The following BCAR3 variants were observed in gnomAD, a reference collection of about 807,000 sequenced individuals.
BCAR3 encodes the protein BCAR3 adaptor protein, NSP family member, also known as breast cancer anti-estrogen resistance protein 3.
In BCAR3, 37 loss-of-function variants were observed where a neutral mutation model predicts 80.1. The observed-to-expected ratio is 0.46, with a 90% CI of 0.36 to 0.61. The LOEUF (loss-of-function observed/expected upper bound fraction) is 0.61, where lower values mean the gene tolerates loss of function less well. BCAR3 is among the 20% of genes least tolerant of loss of function. The probability of loss-of-function intolerance (pLI) is 0.00; values close to 1 mark genes in which losing one functional copy is unlikely to be tolerated. For missense variants in BCAR3, 978 were observed against 1,068.2 expected, an observed-to-expected ratio of 0.92 and a Z score of 1.18; for synonymous variants, 389 against 418.9, an observed-to-expected ratio of 0.93 and a Z score of 0.87.
chr1:93,805,135 G>A (rs1653614834), intron 2 of BCAR3, among the ~76,000 whole-genome samples: 1 of 152,174 alleles, frequency 6.6e-6, no homozygotes, highest in African/African-American at 2.4e-5. Context: ...GTACCATACA[G>A]CAATTTAAGT....
At chr1:93,737,543 T>C (rs1206935810) in intron 2 of BCAR3, among the ~76,000 whole-genome samples, 1 of 152,116 alleles carries the variant, frequency 6.6e-6, no homozygotes, top group African/African-American at 2.4e-5. Flanking sequence ...ACAGGATGGT[T>C]CTCCCCTTGG....
chr1:93,829,163 C>T (rs1047911230), intron 2 of BCAR3, among the ~76,000 whole-genome samples: 6 of 152,046 alleles, frequency 3.9e-5, no homozygotes. Flanking sequence ...CTTGAGGAGG[C>T]GGTGACTGAT....
At chr1:93,829,996 C>G (rs1188791599) in intron 2 of BCAR3, among the ~76,000 whole-genome samples, 1 of 152,144 alleles carries the variant, frequency 6.6e-6, no homozygotes, top group Non-Finnish European at 1.5e-5. Context: ...TAGCTCCTCC[C>G]CACTCACTCT....
chr1:93,626,842 A>G (rs2101895216), intron 3 of BCAR3, among the ~76,000 whole-genome samples: 1 of 152,360 alleles, frequency 6.6e-6, no homozygotes, highest in Admixed American at 6.5e-5. Flanking sequence ...AGTTTGTGTG[A>G]AGGAAAAGCA....
intron 2 of BCAR3, among the ~76,000 whole-genome samples, chr1:93,814,102 T>C (rs930008626): frequency 6.6e-5 from 10 of 152,194 alleles, no homozygotes; most frequent in Non-Finnish European, 1.2e-4. Context: ...AGGGAGCACA[T>C]GGTGACATAT....
At position 93,824,077 on chromosome 1, in the gene BCAR3, A is replaced by G. The variant is rs186105944; in HGVS notation, c.-63+21490T>C. 1.6e-3 allele frequency among the ~76,000 whole-genome samples: 215 copies of G among 134,148 alleles called. 15 individuals carry two copies. The highest frequency in any genetic ancestry group is 5.1e-3 in the African/African-American group (202 of 39,988). The allele number at this position is 134,148 out of a possible 152,430, so 88.0% of individuals were successfully genotyped here. A position where few individuals can be genotyped will look rare whatever the true frequency, so the allele number is the denominator to read the frequency against. On this transcript the variant is annotated intron_variant, in intron 2 of 13. Transcript: ENST00000370244. ...AATATAAACTAGAATCCAGAAGATC[A>G]GGGAGTCTGTCTTGTTTTCGGTATT...
intron 2 of BCAR3, among the ~76,000 whole-genome samples, chr1:93,790,651 A>AAT (rs1553172482): frequency 2.8e-4 from 23 of 83,536 alleles, no homozygotes; most frequent in African/African-American, 8.7e-4. Flanking sequence ...TTTTTTCTTA[A>AAT]TTTTTTTTTT....
intron 2 of BCAR3, among the ~76,000 whole-genome samples, chr1:93,804,802 T>C (rs1463985833): frequency 6.6e-6 from 1 of 152,244 alleles, no homozygotes; most frequent in African/African-American, 2.4e-5. Context: ...CATTCATCAG[T>C]TGATGAATAT....
At chr1:93,686,395 A>G (rs909492434), upstream of BCAR3, among the ~76,000 whole-genome samples, 1 of 152,200 alleles carries the variant, frequency 6.6e-6, no homozygotes, top group African/African-American at 2.4e-5. Context: ...AGCCTGGGCA[A>G]TACAGTGAGC....
At position 93,571,521 on chromosome 1, in the gene BCAR3, A is replaced by G. The variant is rs553565143; in HGVS notation, c.1974+149T>C. The G allele has an allele frequency of 2.7e-4, 275 of 1,025,854 alleles. No homozygotes were observed. The African/African-American group carries it at 4.1e-3, about 15-fold the overall frequency. 63.5% of individuals were successfully genotyped at this position (1,025,854 alleles called of 1,614,324 possible). ...AAAAGAAAAAAAAAAGTAGACCCCA[A>G]ATACTTAGGACACTGTCCCCTAAAT... On this transcript the variant is annotated intron_variant, in intron 9 of 11. Coordinates refer to ENST00000260502, the MANE Select transcript of BCAR3 (RefSeq NM_003567.4).
At chr1:93,832,032 G>A (rs139715510) in intron 2 of BCAR3, among the ~76,000 whole-genome samples, 1 of 152,034 alleles carries the variant, frequency 6.6e-6, no homozygotes, top group Admixed American at 6.5e-5. Flanking sequence ...ACCCAGAAGG[G>A]CCAGAAGGCC....
intron 2 of BCAR3, among the ~76,000 whole-genome samples, chr1:93,718,182 T>C (rs1180838033): frequency 2.6e-5 from 4 of 152,206 alleles, no homozygotes; most frequent in African/African-American, 4.8e-5. Context: ...GAGGAGAAGT[T>C]TCATGACAAA....
intron 2 of BCAR3, among the ~76,000 whole-genome samples, chr1:93,668,241 T>C (rs1202419213): frequency 6.6e-6 from 1 of 152,196 alleles, no homozygotes; most frequent in Non-Finnish European, 1.5e-5. Flanking sequence ...TTGCAATCTG[T>C]TAACAATTTT....
intron 11 of BCAR3, among the ~76,000 whole-genome samples, chr1:93,566,689 C>G (rs1672966143): frequency 6.6e-6 from 1 of 152,178 alleles, no homozygotes; most frequent in African/African-American, 2.4e-5. Context: ...TGGCACATCA[C>G]CTTTTCTAAT....
chr1:93,620,598 C>T (rs144975357), intron 3 of BCAR3, among the ~76,000 whole-genome samples: 1 of 152,258 alleles, frequency 6.6e-6, no homozygotes, highest in East Asian at 1.9e-4. Flanking sequence ...CAGAATTGGA[C>T]TTCAGCCTCA....
At chr1:93,623,535 A>G (rs2101892313) in intron 3 of BCAR3, among the ~76,000 whole-genome samples, 1 of 152,308 alleles carries the variant, frequency 6.6e-6, no homozygotes, top group South Asian at 2.1e-4. Context: ...TTAAGAATAT[A>G]AGCCTAGAGC....
intron 3 of BCAR3, among the ~76,000 whole-genome samples, chr1:93,593,482 T>C (rs236329): frequency 0.37 from 56,121 of 151,584 alleles, 14,449 homozygotes; most frequent in African/African-American, 0.74. Flanking sequence ...GATCCTCCCA[T>C]CTCAGCCTCC....
At chr1:93,815,736 T>C (rs562568890) in intron 2 of BCAR3, among the ~76,000 whole-genome samples, 26 of 152,322 alleles carry the variant, frequency 1.7e-4, no homozygotes, top group African/African-American at 4.8e-4. Context: ...TACATTTGTA[T>C]AGAGATGCGC....
At position 93,816,670 on chromosome 1, in the gene BCAR3, C is replaced by CA. The variant is rs60051218; in HGVS notation, c.-63+28896dup. 8.0e-3 allele frequency among the ~76,000 whole-genome samples: 429 copies of CA among 53,806 alleles called. 6 individuals carry two copies. The highest frequency in any genetic ancestry group is 0.01 in the Non-Finnish European group (299 of 29,188). The allele number at this position is 53,806 out of a possible 152,430, so 35.3% of individuals were successfully genotyped here. On this transcript the variant is annotated intron_variant, in intron 2 of 13. Coordinates refer to the BCAR3 transcript ENST00000370244. ...TCGGCGACAGAGCTAGACTCCATCT[C>CA]AAAAAAAAAAAAAAAAAAAAAAAAA...
Sources: allele counts gnomAD v4.1 joint callset (sites outside exome capture counted in the v4.1 genomes callset), GRCh38; gene constraint gnomAD v4.1.1; transcripts MANE v1.5; gene names NCBI Gene and HGNC (gene_info 2026-07-23, HGNC 2026-07-21).